The following TENM2 variants were observed in gnomAD, a reference collection of about 807,000 sequenced individuals.
The protein encoded by TENM2 is teneurin transmembrane protein 2.
In TENM2, 52 loss-of-function variants were observed where a neutral mutation model predicts 245.2. That is an observed-to-expected ratio of 0.21 (90% confidence interval 0.17 to 0.27). The LOEUF (loss-of-function observed/expected upper bound fraction) is 0.27, where lower values mean the gene tolerates loss of function less well. Among genes scored for constraint, TENM2 ranks in the 10% least tolerant of loss-of-function variants. TENM2 has a pLI of 1.00. For missense variants in TENM2, 3,046 were observed against 3,666.8 expected (o/e 0.83, Z 4.37); for synonymous variants, 1,363 against 1,438.9 (o/e 0.95, Z 1.19).
chr5:167,587,314 T>C (rs1041117233), intron 2 of TENM2, among the ~76,000 whole-genome samples: 3 of 152,222 alleles, frequency 2.0e-5, no homozygotes, highest in African/African-American at 7.2e-5. Flanking sequence ...ATTTTCAATA[T>C]TAGCCTTTCA....
chr5:167,831,485 C>CTTTTTTTTTT (rs10667494), intron 2 of TENM2, among the ~76,000 whole-genome samples: 1 of 127,800 alleles, frequency 7.8e-6, no homozygotes, highest in Non-Finnish European at 1.6e-5. Flanking sequence ...GAGTTCAGCA[C>CTTTTTTTTTT]TTTTTTTTTT....
At chr5:167,222,002 A>T in the TENM2 span, among the ~76,000 whole-genome samples, 1 of 152,200 alleles carries the variant, frequency 6.6e-6, no homozygotes, top group African/African-American at 2.4e-5. Context: ...AATTTGCCGC[A>T]TAGCTCAATT....
the TENM2 span, among the ~76,000 whole-genome samples, chr5:167,079,377 G>C: frequency 1.9e-4 from 29 of 150,164 alleles, no homozygotes; most frequent in African/African-American, 6.6e-4. Flanking sequence ...GCAATGGTGT[G>C]ATCTCAGCTC....
intron 2 of TENM2, among the ~76,000 whole-genome samples, chr5:167,809,963 A>G (rs1766511374): frequency 6.6e-6 from 1 of 152,132 alleles, no homozygotes; most frequent in African/African-American, 2.4e-5. Context: ...TTTTCTTTTG[A>G]AGGTAAGCAA....
At chr5:167,771,735 G>A (rs1174857055) in intron 2 of TENM2, among the ~76,000 whole-genome samples, 1 of 152,160 alleles carries the variant, frequency 6.6e-6, no homozygotes, top group Non-Finnish European at 1.5e-5. Flanking sequence ...ATTTGAGGGG[G>A]CAGCCATTAC....
At chr5:167,695,421 T>C (rs1210843023) in intron 2 of TENM2, among the ~76,000 whole-genome samples, 2 of 152,172 alleles carry the variant, frequency 1.3e-5, no homozygotes, top group Non-Finnish European at 2.9e-5. Flanking sequence ...TTGATATTTT[T>C]AGCCATTAAA....
intron 2 of TENM2, among the ~76,000 whole-genome samples, chr5:167,494,420 T>C (rs952214450): frequency 6.6e-6 from 1 of 152,078 alleles, no homozygotes; most frequent in Non-Finnish European, 1.5e-5. Context: ...AAGGAGGTAA[T>C]ATAATCAAAT....
chr5:167,953,662 G>A (rs144084820), intron 4 of TENM2, among the ~76,000 whole-genome samples: 5 of 152,286 alleles, frequency 3.3e-5, no homozygotes, highest in African/African-American at 9.6e-5. Context: ...TTGTTTCCTT[G>A]TCTAGAAGAA....
the TENM2 span, among the ~76,000 whole-genome samples, chr5:167,001,824 C>G: frequency 6.6e-6 from 1 of 151,910 alleles, no homozygotes; most frequent in African/African-American, 2.4e-5. Flanking sequence ...ACCATTTTAG[C>G]TCCCTCTCTT....
At chr5:168,079,071 G>A (rs1791738481) in intron 7 of TENM2, among the ~76,000 whole-genome samples, 1 of 152,292 alleles carries the variant, frequency 6.6e-6, no homozygotes, top group African/African-American at 2.4e-5. Flanking sequence ...AGCATGGAAT[G>A]TTCTTCCATT....
chr5:167,323,964 A>G (rs1440592589), intron 1 of TENM2, among the ~76,000 whole-genome samples: 1 of 152,224 alleles, frequency 6.6e-6, no homozygotes, highest in African/African-American at 2.4e-5. Context: ...ATTCTGATGT[A>G]AGATCAAGCT....
intron 1 of TENM2, among the ~76,000 whole-genome samples, chr5:167,332,298 T>C (rs546108360): frequency 6.6e-6 from 1 of 152,346 alleles, no homozygotes; most frequent in South Asian, 2.1e-4. Context: ...TTTAAATTAA[T>C]TATCAATACC....
chr5:167,775,949 C>G (rs538320424), intron 2 of TENM2, among the ~76,000 whole-genome samples: 1 of 152,024 alleles, frequency 6.6e-6, no homozygotes, highest in South Asian at 2.1e-4. Flanking sequence ...TATTTTGAAC[C>G]ATTTTCAAGA....
At chr5:167,856,117 C>T (rs2151244413) in intron 2 of TENM2, among the ~76,000 whole-genome samples, 1 of 152,262 alleles carries the variant, frequency 6.6e-6, no homozygotes, top group South Asian at 2.1e-4. Context: ...GTTTGGTACA[C>T]ATATGCCACC....
the TENM2 span, among the ~76,000 whole-genome samples, chr5:167,071,878 G>GGGGGGGGGGGGCC: frequency 8.1e-6 from 1 of 124,026 alleles, no homozygotes. Context: ...TTGACAAATC[G>GGGGGGGGGGGGCC]CCCCCCCCCG....
At chr5:168,099,690 G>T (rs752087588) in intron 9 of TENM2, among the ~76,000 whole-genome samples, 1 of 152,026 alleles carries the variant, frequency 6.6e-6, no homozygotes, top group Non-Finnish European at 1.5e-5. Flanking sequence ...CACCCTCACC[G>T]CAATTGCTCT....
At chr5:167,257,479 G>A in the TENM2 span, among the ~76,000 whole-genome samples, 3 of 151,840 alleles carry the variant, frequency 2.0e-5, no homozygotes, top group East Asian at 1.9e-4. Flanking sequence ...CTTTTACTGG[G>A]ACAAGAATGA....
intron 1 of TENM2, among the ~76,000 whole-genome samples, chr5:167,286,577 CAG>C (rs1771366158): frequency 6.6e-6 from 1 of 152,220 alleles, no homozygotes; most frequent in African/African-American, 2.4e-5. Flanking sequence ...ACACGAGACT[CAG>C]ATATTTTGAA....
intron 2 of TENM2, among the ~76,000 whole-genome samples, chr5:167,622,889 G>A (rs997811987): frequency 2.6e-5 from 4 of 151,976 alleles, no homozygotes; most frequent in Admixed American, 6.6e-5. Context: ...CTTCTTCCAC[G>A]GTCTTGTCAA....
Sources: allele counts gnomAD v4.1 joint callset (sites outside exome capture counted in the v4.1 genomes callset), GRCh38; gene constraint gnomAD v4.1.1; transcripts MANE v1.5; gene names NCBI Gene and HGNC (gene_info 2026-07-23, HGNC 2026-07-21).